Variants in FRY observed in about 807,000 individuals in gnomAD.
FRY encodes the protein FRY microtubule binding protein.
In FRY, 128 loss-of-function variants were observed where a neutral mutation model predicts 348.4. That is an observed-to-expected ratio of 0.37 (90% CI 0.32 to 0.43). The LOEUF is 0.43. Among genes scored for constraint, FRY ranks in the 20% least tolerant of loss-of-function variants. The pLI is 1.00. For missense variants in FRY, 2,736 were observed against 3,695.2 expected (o/e 0.74, Z 6.73); for synonymous variants, 1,370 against 1,374.7 (o/e 1.00, Z 0.08).
intron 58 of FRY, among the ~76,000 whole-genome samples, chr13:32,279,746 C>G (rs564778902): frequency 6.6e-6 from 1 of 152,176 alleles, no homozygotes; most frequent in Non-Finnish European, 1.5e-5. Flanking sequence ...TAAAAAGAAT[C>G]CAGTAAAGTC....
intron 26 of FRY, among the ~76,000 whole-genome samples, 199 bp downstream of exon 26, chr13:32,185,347 G>A (rs917571290): frequency 1.3e-5 from 2 of 152,196 alleles, no homozygotes; most frequent in African/African-American, 4.8e-5. Flanking sequence ...GGAATGATAA[G>A]TATTAAATTT....
intron 55 of FRY, among the ~76,000 whole-genome samples, chr13:32,268,011 T>C (rs1004678052): frequency 2.0e-5 from 3 of 152,176 alleles, no homozygotes; most frequent in Non-Finnish European, 4.4e-5. Context: ...TGTCCCTGCC[T>C]CCAGAGGAGT....
chr13:32,244,431 A>C (rs1194719237), intron 47 of FRY, among the ~76,000 whole-genome samples: 1 of 152,208 alleles, frequency 6.6e-6, no homozygotes, highest in African/African-American at 2.4e-5. Context: ...TTGGGGCCAC[A>C]GGCTGAGTAT....
chr13:32,250,557 C>G (rs981564513), intron 49 of FRY, among the ~76,000 whole-genome samples: 2 of 152,152 alleles, frequency 1.3e-5, no homozygotes, highest in South Asian at 4.1e-4. Flanking sequence ...GACTTCAGAG[C>G]GACAGAGGCC....
intron 4 of FRY, among the ~76,000 whole-genome samples, chr13:32,120,738 T>G (rs1387616649): frequency 6.6e-6 from 1 of 152,236 alleles, no homozygotes; most frequent in Admixed American, 6.5e-5. Context: ...CTCAGCTCAC[T>G]GCAACCTCCA....
chr13:32,208,845 C>A lies in FRY; in HGVS notation c.4019-8C>A, dbSNP rs766109862. The A allele has an allele frequency of 6.2e-6, 10 of 1,613,892 alleles. No individual in the cohort carries two copies. The highest frequency in any genetic ancestry group is 8.5e-6 in the Non-Finnish European group (10 of 1,179,908). On this transcript the variant is annotated splice_polypyrimidine_tract_variant and splice_region_variant and intron_variant, in intron 31 of 60. Transcript: ENST00000542859. ...TGGATGACTCTCTGTCACTGCAATTCTCTTTAGAGGTAAGCCAGCGATTCC... is the reference window on the plus strand; with the variant it reads ...TGGATGACTCTCTGTCACTGCAATTATCTTTAGAGGTAAGCCAGCGATTCC...
chr13:32,217,291 C>A (rs953002921), intron 35 of FRY, among the ~76,000 whole-genome samples: 1 of 152,148 alleles, frequency 6.6e-6, no homozygotes, highest in Non-Finnish European at 1.5e-5. Context: ...TGCTGTGTAT[C>A]ATTTTATATA....
chr13:32,037,181 A>G (rs1000530463), intron 1 of FRY, among the ~76,000 whole-genome samples: 2 of 152,184 alleles, frequency 1.3e-5, no homozygotes, highest in Non-Finnish European at 2.9e-5. Flanking sequence ...GTGCCCTATG[A>G]TCATTTGATT....
intron 36 of FRY, among the ~76,000 whole-genome samples, chr13:32,220,441 T>G (rs1178332097): frequency 6.6e-6 from 1 of 152,262 alleles, no homozygotes. Context: ...TAAAGCTGTT[T>G]GTGTTTTCCT....
At chr13:32,061,219 G>A in intron 1 of FRY, 2 of 522,294 alleles carry the variant, frequency 3.8e-6, no homozygotes, top group South Asian at 1.4e-5. Flanking sequence ...GTTAAATGCT[G>A]AGTATGGGAG....
chr13:32,121,877 T>C lies in FRY; in HGVS notation c.465-2409T>C, dbSNP rs1878679021. 2.0e-5 allele frequency among the ~76,000 whole-genome samples: 3 copies of C among 152,210 alleles called. No individual in the cohort carries two copies. In the South Asian group the frequency reaches 6.2e-4, roughly 32 times the overall value. ...CTAAGTCAGTGTCTAGAAGGGTTTT[T>C]CCAATGTTATCTTCTAGAATTTTTA... On this transcript the variant is annotated intron_variant, in intron 4 of 60. Transcript: ENST00000542859.
At chr13:32,187,166 A>T (rs576421672) in intron 27 of FRY, among the ~76,000 whole-genome samples, 1 of 152,308 alleles carries the variant, frequency 6.6e-6, no homozygotes, top group East Asian at 1.9e-4. Context: ...TTTGTCGTAA[A>T]AGCAAAATTC....
chr13:32,225,155 C>G (rs1421695029), intron 38 of FRY, 119 bp downstream of exon 38: 14 of 722,244 alleles, frequency 1.9e-5, no homozygotes, highest in South Asian at 4.4e-5. Flanking sequence ...TATTCTATCT[C>G]CACCATTTTT....
chr13:32,096,681 C>G (rs1024511721), intron 2 of FRY, among the ~76,000 whole-genome samples: 2 of 151,650 alleles, frequency 1.3e-5, no homozygotes, highest in African/African-American at 4.8e-5. Flanking sequence ...ATCCCACCTA[C>G]TCCAGAGCCT....
chr13:32,037,544 T>G (rs930524214), intron 1 of FRY, among the ~76,000 whole-genome samples: 1 of 152,168 alleles, frequency 6.6e-6, no homozygotes, highest in Admixed American at 6.5e-5. Flanking sequence ...AAATTTTGAC[T>G]TACTTGCCTG....
At chr13:32,233,152 A>G (rs948464003) in intron 41 of FRY, among the ~76,000 whole-genome samples, 1 of 152,152 alleles carries the variant, frequency 6.6e-6, no homozygotes, top group Non-Finnish European at 1.5e-5. Context: ...TCTGAAGTCA[A>G]TTTTCCAGGA....
intron 17 of FRY, among the ~76,000 whole-genome samples, chr13:32,168,069 G>A (rs1409172523): frequency 2.0e-5 from 3 of 152,134 alleles, no homozygotes; most frequent in Non-Finnish European, 4.4e-5. Flanking sequence ...TTATTGTAAG[G>A]AATTGGCTCA....
At chr13:32,132,941 G>T (rs1460972861) in intron 8 of FRY, among the ~76,000 whole-genome samples, 1 of 152,098 alleles carries the variant, frequency 6.6e-6, no homozygotes, top group East Asian at 1.9e-4. Context: ...TACACAAAAG[G>T]CCATGTATTA....
chr13:32,175,971 T>A (rs556634205), intron 20 of FRY, among the ~76,000 whole-genome samples: 23 of 152,332 alleles, frequency 1.5e-4, no homozygotes, highest in African/African-American at 5.5e-4. Context: ...ATATGTAACT[T>A]CTATTTATGT....
Sources: allele counts gnomAD v4.1 joint callset (sites outside exome capture counted in the v4.1 genomes callset), GRCh38; gene constraint gnomAD v4.1.1; transcripts MANE v1.5; gene names NCBI Gene and HGNC (gene_info 2026-07-23, HGNC 2026-07-21).